Variants in KCTD2 observed in about 807,000 individuals in gnomAD.
The protein encoded by KCTD2 is potassium channel tetramerization domain containing 2.
In KCTD2, 18 loss-of-function variants were observed where a neutral mutation model predicts 27.9. That is an observed-to-expected ratio of 0.64 (90% CI 0.45 to 0.96). The LOEUF is 0.96. Ranked by LOEUF, KCTD2 falls within the 40% of genes least tolerant of loss-of-function variation. KCTD2 has a pLI of 0.00. For synonymous variants in KCTD2, 175 were observed against 148.4 expected (o/e 1.18, Z -1.30); for missense variants, 280 against 348.0 (o/e 0.80, Z 1.56).
At chr17:75,047,037 A>G (rs2073228423), upstream of KCTD2, 2 of 250,748 alleles carry the variant, frequency 8.0e-6, no homozygotes, top group African/African-American at 2.3e-5. Flanking sequence ...TGCTTCGCAG[A>G]TCAGCCAATA....
chr17:75,035,866 C>T (rs1484702776), intron 3 of KCTD2, among the ~76,000 whole-genome samples: 2 of 151,994 alleles, frequency 1.3e-5, no homozygotes, highest in Non-Finnish European at 2.9e-5. Context: ...CAAAAAACTC[C>T]AGTCCCTAGC....
chr17:75,043,342 T>C (rs1166387706), upstream of KCTD2, among the ~76,000 whole-genome samples: 1 of 150,770 alleles, frequency 6.6e-6, no homozygotes, highest in African/African-American at 2.4e-5. Context: ...CCGGGCGCAG[T>C]GGCTCATTTC....
chr17:75,063,358 G>A lies in KCTD2; in HGVS notation c.*311G>A, dbSNP rs2073423679. 7.3e-6 allele frequency: 3 copies of A among 410,370 alleles called. No homozygotes were observed. In the East Asian group the frequency reaches 1.4e-4, roughly 19 times the overall value. 25.4% of individuals were successfully genotyped at this position (410,370 alleles called of 1,614,324 possible). A position where few individuals can be genotyped will look rare whatever the true frequency, so the allele number is the denominator to read the frequency against. ...GTCGGAGCCTTTCGGGGATCTGGGG[G>A]ATGAGGGCGGAAGGCCTAGCTCCTT... On this transcript the variant is annotated 3_prime_UTR_variant, in exon 6 of 6. Transcript: ENST00000322444.
intron 2 of KCTD2, among the ~76,000 whole-genome samples, chr17:75,051,356 C>G (rs1159983992): frequency 1.4e-5 from 2 of 144,184 alleles, no homozygotes; most frequent in East Asian, 4.1e-4. Flanking sequence ...ACTATCACAG[C>G]TCACTGCGAC....
chr17:75,039,970 A>G, intron 3 of KCTD2: 1 of 1,011,754 alleles, frequency 9.9e-7, no homozygotes, highest in Non-Finnish European at 1.5e-6. Flanking sequence ...ATTTATTGAC[A>G]AGTCATTCCT....
chr17:75,046,287 T>G (rs1416530337), upstream of KCTD2, among the ~76,000 whole-genome samples: 3 of 152,314 alleles, frequency 2.0e-5, no homozygotes, highest in Non-Finnish European at 4.4e-5. Context: ...TTTCACTACG[T>G]TGGCCAGGCT....
Position 75,039,313 on chromosome 17 carries a change from A to C in KCTD2, c.-259+3956A>C, listed in dbSNP as rs1485596086. On this transcript the variant is annotated intron_variant, in intron 3 of 7. Transcript: ENST00000581589. Reference sequence around the variant, plus strand: ...AAATTCAGTTCTGAAACCAGGCTGCATTCTACCCCAGCAGCTGCTAAGGTA... The same window carrying C: ...AAATTCAGTTCTGAAACCAGGCTGCCTTCTACCCCAGCAGCTGCTAAGGTA... The C allele has an allele frequency of 3.8e-6, 6 of 1,572,952 alleles. No individual in the cohort carries two copies. In the South Asian group the frequency reaches 5.5e-5, roughly 15 times the overall value.
intron 3 of KCTD2, chr17:75,040,122 A>G: frequency 1.2e-6 from 2 of 1,613,176 alleles, no homozygotes; most frequent in Non-Finnish European, 1.7e-6. Flanking sequence ...CCACCTGGGC[A>G]GTATATTTAT....
chr17:75,034,193 A>T (rs1038424529), intron 2 of KCTD2: 2 of 152,072 alleles, frequency 1.3e-5, no homozygotes, highest in Non-Finnish European at 2.9e-5. Context: ...GAAGCTGGGG[A>T]AACTCGTAAG....
At chr17:75,060,519 C>G in intron 4 of KCTD2, 1 of 1,612,574 alleles carries the variant, frequency 6.2e-7, no homozygotes, top group Non-Finnish European at 8.5e-7. Context: ...ACAGCCAAGA[C>G]CAGCTGCTCT....
chr17:75,064,008 ACT>A lies in KCTD2; in HGVS notation c.*966_*967del, dbSNP rs1415257318. On this transcript the variant is annotated 3_prime_UTR_variant, in exon 6 of 6. Coordinates refer to ENST00000322444, the MANE Select transcript of KCTD2 (RefSeq NM_015353.3). ...TGTCTCAGAGAGAGTTATTTCTGTG[ACT>A]CTCTTGGAAATGCCTTGACTGAATG... 5.3e-5 allele frequency: 8 copies of A among 151,934 alleles called. No homozygotes were observed. The highest frequency in any genetic ancestry group is 1.0e-4 in the Non-Finnish European group (7 of 67,928). The allele number at this position is 151,934 out of a possible 1,614,324, so 9.4% of individuals were successfully genotyped here.
upstream of KCTD2, among the ~76,000 whole-genome samples, chr17:75,044,023 C>CTTT (rs11312083): frequency 7.8e-6 from 1 of 127,706 alleles, no homozygotes. Context: ...ACGTTGTGCA[C>CTTT]TTTTTTTTTT....
rs778775268 is a variant in KCTD2 at position 75,053,600 on chromosome 17, CT to C, written c.540+496del. Among the ~76,000 whole-genome samples the C allele has an allele frequency of 2.6e-5, 4 of 152,236 alleles. No individual in the cohort carries two copies. In the East Asian group the frequency reaches 7.7e-4, roughly 29 times the overall value. ...GGACTACAGGTGTGTGCCACCACGC[CT>C]GACTAATTTTTGTATTTTTTTAGTA... On this transcript the variant is annotated intron_variant, in intron 3 of 5. Coordinates refer to ENST00000322444, the MANE Select transcript of KCTD2 (RefSeq NM_015353.3).
intron 2 of KCTD2, among the ~76,000 whole-genome samples, chr17:75,051,200 G>A (rs548965266): frequency 2.7e-5 from 4 of 149,470 alleles, no homozygotes; most frequent in East Asian, 2.0e-4. Flanking sequence ...GTCTCATCTC[G>A]ATCTCCTGAC....
intron 5 of KCTD2, among the ~76,000 whole-genome samples, chr17:75,062,711 C>T (rs916372311): frequency 7.0e-6 from 1 of 142,686 alleles, no homozygotes; most frequent in Non-Finnish European, 1.5e-5. Flanking sequence ...CACACACACA[C>T]ACACACACAC....
rs527946360 is a variant in KCTD2, at chr17:75,065,851, T to G, written c.*2804T>G. 1.4e-4 allele frequency: 21 copies of G among 152,346 alleles called. No individual in the cohort carries two copies. Among genetic ancestry groups the G allele is most frequent in the South Asian group, 8.3e-4 (4 of 4,828 alleles). The allele number at this position is 152,346 out of a possible 1,614,324, so 9.4% of individuals were successfully genotyped here. On this transcript the variant is annotated 3_prime_UTR_variant, in exon 6 of 6. Transcript: ENST00000322444. Reference sequence around the variant, plus strand: ...ATAGTCTGAAATGCTGTGACTTTTTTTGTGTGAATAAAGATATGAAACTTC... The same window carrying G: ...ATAGTCTGAAATGCTGTGACTTTTTGTGTGTGAATAAAGATATGAAACTTC...
chr17:75,062,846 AAG>A (rs1176257081), intron 5 of KCTD2, among the ~76,000 whole-genome samples, 170 bp from the exon 6 acceptor site: 2 of 152,092 alleles, frequency 1.3e-5, no homozygotes, highest in African/African-American at 2.4e-5. Context: ...TGTGCCCAGC[AAG>A]AGAGTGTTTC....
chr17:75,047,693 AG>A lies in KCTD2; in HGVS notation c.339+106del. ...CACGCTCCTCACAGGCAGCCCCCTCAGGCCGGGACCCCATCCTCCCCCTCCC... is the reference window on the plus strand; with the variant it reads ...CACGCTCCTCACAGGCAGCCCCCTCAGCCGGGACCCCATCCTCCCCCTCCC... On this transcript the variant is annotated intron_variant, in intron 1 of 5. Transcript: ENST00000322444. 3 of 1,203,136 alleles carry A rather than the reference AG, an allele frequency of 2.5e-6. No individual in the cohort carries two copies. The African/African-American group carries it at 4.8e-5, about 19-fold the overall frequency. The allele number at this position is 1,203,136 out of a possible 1,614,324, so 74.5% of individuals were successfully genotyped here. A position where few individuals can be genotyped will look rare whatever the true frequency, so the allele number is the denominator to read the frequency against.
chr17:75,053,218 C>A (rs923389026), intron 3 of KCTD2, 113 bp downstream of exon 3: 5 of 804,014 alleles, frequency 6.2e-6, no homozygotes, highest in East Asian at 5.4e-5. Flanking sequence ...TGTGGAACAC[C>A]GTTTGCAGTG....
Sources: allele counts gnomAD v4.1 joint callset (sites outside exome capture counted in the v4.1 genomes callset), GRCh38; gene constraint gnomAD v4.1.1; transcripts MANE v1.5; gene names NCBI Gene and HGNC (gene_info 2026-07-23, HGNC 2026-07-21).